KLHL1: variants seen among roughly 807,000 people sequenced by gnomAD.
KLHL1 encodes kelch like family member 1, also known as kelch-like protein 1.
In KLHL1, 47 loss-of-function variants were observed where a neutral mutation model predicts 77.7. The observed-to-expected ratio is 0.60, with a 90% CI of 0.48 to 0.77. The LOEUF (loss-of-function observed/expected upper bound fraction) is 0.77, where lower values mean the gene tolerates loss of function less well. Ranked by LOEUF, KLHL1 falls within the 30% of genes least tolerant of loss-of-function variation. The pLI, the probability that KLHL1 is intolerant of heterozygous loss-of-function variation, is 0.00. For synonymous variants in KLHL1, 360 were observed against 325.2 expected (o/e 1.11, Z -1.15); for missense variants, 925 against 910.8 (o/e 1.02, Z -0.20).
intron 2 of KLHL1, among the ~76,000 whole-genome samples, chr13:69,971,265 C>T (rs570806227): frequency 3.9e-5 from 6 of 152,028 alleles, no homozygotes; most frequent in Admixed American, 1.3e-4. Context: ...TTAAACAAGG[C>T]CTGGAACATA....
intron 6 of KLHL1, among the ~76,000 whole-genome samples, chr13:69,816,176 T>A (rs1878114221): frequency 6.6e-6 from 1 of 151,924 alleles, no homozygotes; most frequent in African/African-American, 2.4e-5. Flanking sequence ...AATCAGCTGG[T>A]TGACATTAAA....
intron 7 of KLHL1, among the ~76,000 whole-genome samples, chr13:69,779,581 C>T (rs1392637666): frequency 1.3e-5 from 2 of 151,400 alleles, no homozygotes; most frequent in Non-Finnish European, 2.9e-5. Flanking sequence ...ATATTTCTAA[C>T]AGAAACTGAT....
chr13:69,728,407 GTTTGTT>G (rs1873396113), intron 8 of KLHL1, among the ~76,000 whole-genome samples: 1 of 47,254 alleles, frequency 2.1e-5, no homozygotes, highest in Admixed American at 1.4e-4. Flanking sequence ...TGTAAAAATT[GTTTGTT>G]TGTTTGTTTG....
chr13:70,013,065 G>C (rs928746315), intron 1 of KLHL1, among the ~76,000 whole-genome samples: 6 of 151,812 alleles, frequency 4.0e-5, no homozygotes, highest in African/African-American at 1.5e-4. Context: ...AAGAATTCTA[G>C]ATACTGAAAC....
intron 7 of KLHL1, among the ~76,000 whole-genome samples, chr13:69,772,076 C>T (rs1008865407): frequency 4.6e-5 from 7 of 152,178 alleles, no homozygotes; most frequent in East Asian, 1.9e-4. Flanking sequence ...CTTTGCCTCC[C>T]GAGTAGCTGG....
intron 8 of KLHL1, among the ~76,000 whole-genome samples, chr13:69,722,074 GACTTT>G (rs1000452721): frequency 3.6e-4 from 54 of 152,024 alleles, no homozygotes; most frequent in African/African-American, 1.3e-3. Flanking sequence ...ATTTTGCAGG[GACTTT>G]ACTTATGGGC....
intron 3 of KLHL1, among the ~76,000 whole-genome samples, chr13:69,945,457 A>C (rs187448003): frequency 1.3e-5 from 2 of 151,260 alleles, no homozygotes; most frequent in African/African-American, 4.9e-5. Flanking sequence ...TCTAGTTAAA[A>C]GAAAGAAAAA....
chr13:69,869,557 T>C (rs1880500314), intron 5 of KLHL1, among the ~76,000 whole-genome samples: 1 of 152,284 alleles, frequency 6.6e-6, no homozygotes, highest in East Asian at 1.9e-4. Context: ...TTATTTTGGG[T>C]GACCTCTAGG....
rs555220858 is a variant in KLHL1 at position 69,910,911 on chromosome 13, A to C, written c.1015-28416T>G. On this transcript the variant is annotated intron_variant, in intron 4 of 10. Transcript: ENST00000377844. ...CAATGAATTTGTTAGCATATGAAAA[A>C]GTGACTTCTGAATGAAACTTTACTA... Among the ~76,000 whole-genome samples, 17 of 152,248 alleles carry C rather than the reference A, an allele frequency of 1.1e-4. 1 individual carries two copies. In the South Asian group the frequency reaches 3.5e-3, roughly 32 times the overall value.
At chr13:70,082,865 G>T (rs1887431169) in intron 1 of KLHL1, among the ~76,000 whole-genome samples, 1 of 152,066 alleles carries the variant, frequency 6.6e-6, no homozygotes, top group Admixed American at 6.6e-5. Flanking sequence ...AAGCAAATTA[G>T]CATAGAAACA....
chr13:69,820,420 T>C (rs983009174), intron 6 of KLHL1, among the ~76,000 whole-genome samples: 2 of 152,174 alleles, frequency 1.3e-5, no homozygotes, highest in African/African-American at 4.8e-5. Context: ...TATCAAAGTC[T>C]GGAGGTGATC....
intron 6 of KLHL1, among the ~76,000 whole-genome samples, chr13:69,823,854 A>C (rs1878439905): frequency 6.6e-6 from 1 of 151,896 alleles, no homozygotes; most frequent in African/African-American, 2.4e-5. Context: ...TTCCTTGAGT[A>C]ATGTGTATAG....
chr13:70,002,339 T>C (rs903341172), intron 1 of KLHL1, among the ~76,000 whole-genome samples: 6 of 151,538 alleles, frequency 4.0e-5, no homozygotes, highest in African/African-American at 1.5e-4. Flanking sequence ...AATCTTAATG[T>C]ATGAATAGAT....
chr13:70,076,443 A>G (rs1887269483), intron 1 of KLHL1, among the ~76,000 whole-genome samples: 1 of 151,658 alleles, frequency 6.6e-6, no homozygotes, highest in African/African-American at 2.4e-5. Context: ...CAGAAAAAAA[A>G]AATCAAGACA....
intron 1 of KLHL1, among the ~76,000 whole-genome samples, chr13:70,080,644 T>C (rs1217938444): frequency 1.3e-5 from 2 of 152,186 alleles, no homozygotes; most frequent in Non-Finnish European, 2.9e-5. Context: ...GTCACCAGGC[T>C]GGGGTGCAGT....
intron 6 of KLHL1, among the ~76,000 whole-genome samples, chr13:69,836,516 T>C (rs954591153): frequency 5.3e-5 from 8 of 152,008 alleles, no homozygotes; most frequent in Non-Finnish European, 7.4e-5. Flanking sequence ...GGTATAAACA[T>C]TGAAAGCCAA....
intron 6 of KLHL1, among the ~76,000 whole-genome samples, chr13:69,801,077 T>C (rs766976171): frequency 6.6e-6 from 1 of 152,208 alleles, no homozygotes; most frequent in Non-Finnish European, 1.5e-5. Flanking sequence ...AAGCCCTCGA[T>C]GGACCACAAT....
Position 70,040,133 on chromosome 13 carries a change from A to G in KLHL1, c.498-64331T>C, listed in dbSNP as rs530504716. Among the ~76,000 whole-genome samples, 13 of 152,316 alleles carry G rather than the reference A, an allele frequency of 8.5e-5. 1 individual carries two copies. Among genetic ancestry groups the G allele is most frequent in the Non-Finnish European group, 1.6e-4 (11 of 68,028 alleles). ...ATCTACATGCATTGGTAATCACAGTAGATGAAGTTATACATTTTAGCTTAA... is the reference window on the plus strand; with the variant it reads ...ATCTACATGCATTGGTAATCACAGTGGATGAAGTTATACATTTTAGCTTAA... On this transcript the variant is annotated intron_variant, in intron 1 of 10. Transcript: ENST00000377844.
At chr13:69,914,797 G>T (rs1882365885) in intron 4 of KLHL1, among the ~76,000 whole-genome samples, 1 of 151,938 alleles carries the variant, frequency 6.6e-6, no homozygotes, top group African/African-American at 2.4e-5. Flanking sequence ...GGTAAGCATG[G>T]GTCAATCATT....
Sources: gnomAD v4.1 joint callset for allele counts (sites outside exome capture counted in the v4.1 genomes callset) on GRCh38, gnomAD v4.1.1 for gene constraint, MANE v1.5 for transcripts, NCBI Gene and HGNC (gene_info 2026-07-23, HGNC 2026-07-21) for gene names.